The following DIP2C variants were observed in gnomAD, a reference collection of about 807,000 sequenced individuals.
The protein encoded by DIP2C is DIP2 acetate--CoA ligase C (putative), also known as disco-interacting protein 2 homolog C.
A neutral mutation model predicts 192.4 loss-of-function variants in DIP2C; 33 were observed. The observed-to-expected ratio is 0.17, with a 90% confidence interval of 0.13 to 0.23. The LOEUF is 0.23. DIP2C is among the 10% of genes least tolerant of loss of function. DIP2C has a pLI of 1.00. For missense variants in DIP2C, 1,537 were observed against 2,110.1 expected (o/e 0.73, Z 5.32); for synonymous variants, 979 against 864.1 (o/e 1.13, Z -2.33).
intron 32 of DIP2C, among the ~76,000 whole-genome samples, chr10:307,533 G>C (rs1956376897): frequency 6.6e-6 from 1 of 152,194 alleles, no homozygotes; most frequent in Non-Finnish European, 1.5e-5. Context: ...TGCGGACTGT[G>C]AGTGGGTGGT....
intron 1 of DIP2C, among the ~76,000 whole-genome samples, chr10:683,431 C>T (rs4881509): frequency 0.9 from 136,423 of 152,180 alleles, 61,916 homozygotes; most frequent in South Asian, 0.97. Flanking sequence ...AGTCATAAAC[C>T]CTGCATGGCA....
intron 1 of DIP2C, among the ~76,000 whole-genome samples, chr10:625,658 A>C (rs958320643): frequency 6.6e-6 from 1 of 152,192 alleles, no homozygotes; most frequent in Non-Finnish European, 1.5e-5. Flanking sequence ...CCTCACGCAC[A>C]CTGCGCTTCA....
At chr10:344,051 C>CGTTCT (rs1958290405) in intron 28 of DIP2C, among the ~76,000 whole-genome samples, 1 of 152,134 alleles carries the variant, frequency 6.6e-6, no homozygotes, top group East Asian at 1.9e-4. Context: ...CAGCCAGGAA[C>CGTTCT]GTTCTGATGG....
At chr10:398,803 TA>T (rs11304714) in intron 10 of DIP2C, among the ~76,000 whole-genome samples, 148,641 of 151,968 alleles carry the variant, frequency 0.98, 72,743 homozygotes, top group South Asian at 1. Flanking sequence ...AAATAATAAT[TA>T]AAAAAAAACT....
At chr10:656,039 ACT>A (rs974724481) in intron 1 of DIP2C, among the ~76,000 whole-genome samples, 8 of 141,724 alleles carry the variant, frequency 5.6e-5, no homozygotes, top group African/African-American at 2.1e-4. Context: ...CCTATAGAAC[ACT>A]CTATTTGTCC....
chr10:525,675 C>T (rs533831361), intron 1 of DIP2C, among the ~76,000 whole-genome samples: 7 of 152,252 alleles, frequency 4.6e-5, no homozygotes, highest in African/African-American at 1.7e-4. Flanking sequence ...GGATAACAGG[C>T]CTTTGAATGC....
chr10:591,176 G>A (rs1391963938), intron 1 of DIP2C, among the ~76,000 whole-genome samples: 2 of 152,128 alleles, frequency 1.3e-5, no homozygotes, highest in Non-Finnish European at 2.9e-5. Flanking sequence ...AGGGTGGAGT[G>A]GAGTGGCGTG....
At chr10:446,655 AAC>A (rs1564722863) in intron 3 of DIP2C, among the ~76,000 whole-genome samples, 1 of 152,102 alleles carries the variant, frequency 6.6e-6, no homozygotes, top group Non-Finnish European at 1.5e-5. Context: ...CCTGACACCC[AAC>A]TGTGGGCAGA....
At chr10:486,396 TTC>T (rs916519061) in intron 2 of DIP2C, 61 bp downstream of exon 2, 23 of 1,447,376 alleles carry the variant, frequency 1.6e-5, no homozygotes, top group Admixed American at 2.4e-5. Flanking sequence ...CTCCAGATGT[TTC>T]TCTGGCACAT....
intron 7 of DIP2C, among the ~76,000 whole-genome samples, chr10:414,707 A>ATATG (rs750419581): frequency 4.2e-5 from 2 of 47,800 alleles, no homozygotes; most frequent in Admixed American, 2.2e-4. Context: ...GTGTGTATGT[A>ATATG]TGTGTGTGTG....
At chr10:627,286 G>A (rs1049197265) in intron 1 of DIP2C, among the ~76,000 whole-genome samples, 9 of 152,216 alleles carry the variant, frequency 5.9e-5, no homozygotes, top group Non-Finnish European at 1.3e-4. Flanking sequence ...GCTGCTGTGG[G>A]TCGGGAAACC....
At chr10:325,570 G>C (rs1398845355) in intron 31 of DIP2C, among the ~76,000 whole-genome samples, 4 of 152,166 alleles carry the variant, frequency 2.6e-5, no homozygotes, top group African/African-American at 9.6e-5. Flanking sequence ...AGACAAGTGA[G>C]ACATCACACT....
chr10:491,792 T>C (rs1198358172), intron 1 of DIP2C, among the ~76,000 whole-genome samples: 1 of 152,228 alleles, frequency 6.6e-6, no homozygotes, highest in Non-Finnish European at 1.5e-5. Flanking sequence ...TATTTCACAT[T>C]CAATTCATGA....
chr10:384,739 G>T, intron 14 of DIP2C, 100 bp from the exon 15 acceptor site: 3 of 1,207,280 alleles, frequency 2.5e-6, no homozygotes, highest in Non-Finnish European at 3.6e-6. Context: ...GGGCAGGGGG[G>T]AGCTCTCAGG....
chr10:309,468 G>A (rs934442848), intron 32 of DIP2C, among the ~76,000 whole-genome samples: 2 of 152,054 alleles, frequency 1.3e-5, no homozygotes, highest in African/African-American at 2.4e-5. Flanking sequence ...GAAAAGAACC[G>A]AGTGCCTGCC....
chr10:562,582 T>C (rs1054501223), intron 1 of DIP2C, among the ~76,000 whole-genome samples: 1 of 152,248 alleles, frequency 6.6e-6, no homozygotes, highest in Non-Finnish European at 1.5e-5. Context: ...TAAGTTGGCA[T>C]TCCAACAGGA....
At chr10:479,240 T>TGTATTCAC (rs1843402811) in intron 2 of DIP2C, among the ~76,000 whole-genome samples, 2 of 151,998 alleles carry the variant, frequency 1.3e-5, no homozygotes, top group Non-Finnish European at 2.9e-5. Flanking sequence ...TAATTTTCCT[T>TGTATTCAC]GTATTCACTG....
intron 1 of DIP2C, among the ~76,000 whole-genome samples, chr10:495,931 A>T (rs1256603465): frequency 6.6e-6 from 1 of 151,028 alleles, no homozygotes; most frequent in African/African-American, 2.4e-5. Context: ...CTGAGTACAC[A>T]GAACCCACGG....
At chr10:496,668 A>G (rs1032908801) in intron 1 of DIP2C, among the ~76,000 whole-genome samples, 1 of 151,890 alleles carries the variant, frequency 6.6e-6, no homozygotes, top group African/African-American at 2.4e-5. Context: ...CCTCCCGTGT[A>G]CTTAAAATCT....
Sources: gnomAD v4.1 joint callset for allele counts (sites outside exome capture counted in the v4.1 genomes callset) on GRCh38, gnomAD v4.1.1 for gene constraint, MANE v1.5 for transcripts, NCBI Gene and HGNC (gene_info 2026-07-23, HGNC 2026-07-21) for gene names.